The following GMPS variants were observed in gnomAD, a reference collection of about 807,000 sequenced individuals.
GMPS encodes the protein guanosine monophosphate synthase.
A neutral mutation model predicts 77.9 loss-of-function variants in GMPS; 15 were observed. That is an observed-to-expected ratio of 0.19 (90% CI 0.13 to 0.30). The LOEUF is 0.30. GMPS is among the 10% of genes least tolerant of loss of function. GMPS has a pLI of 1.00. For synonymous variants in GMPS, 224 were observed against 275.9 expected (o/e 0.81, Z 1.86); for missense variants, 590 against 838.8 (o/e 0.70, Z 3.66).
At position 155,919,289 on chromosome 3, in the gene GMPS, C is replaced by G; in HGVS notation, c.1269C>G (p.Gly423=). 6.3e-7 allele frequency: 1 copy of G among 1,597,902 alleles called. No individual in the cohort carries two copies. The highest frequency in any genetic ancestry group is 8.5e-7 in the Non-Finnish European group (1 of 1,170,286). ...DFHKDEVRIL[G]RELGLPEELV... ...ATAAAGATGAAGTGAGAATTTTGGGCAGAGAACTTGGACTTCCAGAAGAGT... is the reference window on the plus strand; with the variant it reads ...ATAAAGATGAAGTGAGAATTTTGGGGAGAGAACTTGGACTTCCAGAAGAGT... The change falls in exon 10 of 16, where the codon GGC becomes GGG. Residue 423 remains glycine (G), a synonymous_variant. Transcript: ENST00000496455.
In GMPS at chr3:155,916,876, T is replaced by C. The variant is rs143751648; in HGVS notation, c.1212+684T>C. Reference sequence around the variant, plus strand: ...TACAATTTTACATTCGCACTAGCAATCTATGAGATTCAAATTTTTCCACAT... The same window carrying C: ...TACAATTTTACATTCGCACTAGCAACCTATGAGATTCAAATTTTTCCACAT... On this transcript the variant is annotated intron_variant, in intron 9 of 15. Transcript: ENST00000496455. Among the ~76,000 whole-genome samples the C allele has an allele frequency of 2.4e-3, 362 of 152,322 alleles. 3 individuals are homozygous for C. The highest frequency in any genetic ancestry group is 8.5e-3 in the African/African-American group (353 of 41,570).
intron 1 of GMPS, among the ~76,000 whole-genome samples, chr3:155,880,744 A>G (rs1754190382): frequency 6.6e-6 from 1 of 152,150 alleles, no homozygotes; most frequent in Non-Finnish European, 1.5e-5. Flanking sequence ...TTCAGTTATT[A>G]AGAAAATCTC....
intron 1 of GMPS, among the ~76,000 whole-genome samples, chr3:155,878,297 T>A (rs1472021908): frequency 6.6e-6 from 1 of 152,248 alleles, no homozygotes; most frequent in Admixed American, 6.5e-5. Flanking sequence ...TCACTTAGCA[T>A]AATGCTTTCA....
chr3:155,893,605 A>C lies in GMPS; in HGVS notation c.115A>C (p.Lys39Gln). 1 of 1,612,562 alleles carries C rather than the reference A, an allele frequency of 6.2e-7. No individual in the cohort carries two copies. The highest frequency in any genetic ancestry group is 2.2e-5 in the East Asian group (1 of 44,872). Residue 39 changes from lysine (K) to glutamine (Q), a missense_variant, in exon 2 of 16, where the codon AAA becomes CAA. By Grantham distance (53) the Lys-to-Gln change is moderately conservative. This residue lies in a region of GMPS where 47 missense variants were observed against 45.5 expected (regional missense o/e 1.03). Transcript: ENST00000496455. ...VILDAGAQYGKVIDRRVRELF... is the reference protein window; with the variant it reads ...VILDAGAQYGQVIDRRVRELF... ...TCTGGATGCTGGTGCTCAGTACGGG[A>C]AAGTCATAGACCGAAGAGTGAGGGA...
rs1346335607 is a variant in GMPS, at chr3:155,939,740, T to TA, written c.*2053dup. 1 of 194,770 alleles carries TA rather than the reference T, an allele frequency of 5.1e-6. No homozygotes were observed. Among genetic ancestry groups the TA allele is most frequent in the Non-Finnish European group, 1.1e-5 (1 of 93,494 alleles). 12.1% of individuals were successfully genotyped at this position (194,770 alleles called of 1,614,324 possible). A position where few individuals can be genotyped will look rare whatever the true frequency, so the allele number is the denominator to read the frequency against. ...CACATCTTGACATGACATAGTTTCTTAAAAATCCAAATTTTCTGGAACTCA... is the reference window on the plus strand; with the variant it reads ...CACATCTTGACATGACATAGTTTCTTAAAAAATCCAAATTTTCTGGAACTCA... On this transcript the variant is annotated 3_prime_UTR_variant, in exon 16 of 16. Coordinates refer to ENST00000496455, the MANE Select transcript of GMPS (RefSeq NM_003875.3).
intron 5 of GMPS, among the ~76,000 whole-genome samples, chr3:155,908,868 T>G (rs1199488074): frequency 6.6e-6 from 1 of 152,138 alleles, no homozygotes; most frequent in Non-Finnish European, 1.5e-5. Flanking sequence ...GGTATAAATT[T>G]GGGGGTTTAC....
At chr3:155,879,023 C>T (rs1472230714) in intron 1 of GMPS, among the ~76,000 whole-genome samples, 1 of 152,116 alleles carries the variant, frequency 6.6e-6, no homozygotes, top group East Asian at 1.9e-4. Context: ...GATAATTTGA[C>T]TTTCCCCTGC....
chr3:155,908,055 G>T (rs140383130), intron 5 of GMPS, among the ~76,000 whole-genome samples: 166 of 152,316 alleles, frequency 1.1e-3, no homozygotes, highest in African/African-American at 3.9e-3. Context: ...GTGAAGGAGA[G>T]ATGTGATCTA....
chr3:155,933,778 C>G (rs1353545467), intron 13 of GMPS, among the ~76,000 whole-genome samples: 1 of 152,316 alleles, frequency 6.6e-6, no homozygotes, highest in East Asian at 1.9e-4. Flanking sequence ...GCACTCATAT[C>G]TCTACCCTGA....
At chr3:155,928,266 A>T (rs537779529) in intron 12 of GMPS, among the ~76,000 whole-genome samples, 2 of 150,902 alleles carry the variant, frequency 1.3e-5, no homozygotes, top group East Asian at 4.0e-4. Context: ...AGCTCAGGCA[A>T]TCCACCCGCC....
chr3:155,927,850 A>G (rs1260633428), intron 12 of GMPS, among the ~76,000 whole-genome samples: 3 of 152,052 alleles, frequency 2.0e-5, no homozygotes, highest in African/African-American at 7.2e-5. Context: ...GTGCCTTTCC[A>G]AGTAGATGGT....
chr3:155,871,632 C>A (rs410042), intron 1 of GMPS, among the ~76,000 whole-genome samples: 1 of 152,320 alleles, frequency 6.6e-6, no homozygotes, highest in African/African-American at 2.4e-5. Context: ...AGGTCCCGCC[C>A]CCGTCCAGCT....
intron 1 of GMPS, among the ~76,000 whole-genome samples, chr3:155,871,418 G>A (rs1239674888): frequency 1.3e-5 from 2 of 152,136 alleles, no homozygotes; most frequent in African/African-American, 4.8e-5. Context: ...TTTCCCGCCT[G>A]CCCTCGGCGA....
chr3:155,877,425 GTTC>G (rs1754077591), intron 1 of GMPS, among the ~76,000 whole-genome samples: 1 of 151,874 alleles, frequency 6.6e-6, no homozygotes, highest in Non-Finnish European at 1.5e-5. Context: ...CAACCCCATA[GTTC>G]TTAGTGTATT....
At chr3:155,933,879 T>C (rs955995392) in intron 13 of GMPS, among the ~76,000 whole-genome samples, 2 of 152,232 alleles carry the variant, frequency 1.3e-5, no homozygotes, top group African/African-American at 4.8e-5. Flanking sequence ...TGTCTGATTC[T>C]AATTTCCTCA....
intron 12 of GMPS, among the ~76,000 whole-genome samples, chr3:155,928,669 A>G (rs979128519): frequency 2.1e-5 from 3 of 139,554 alleles, no homozygotes; most frequent in Admixed American, 7.1e-5. Context: ...TATATCTCCC[A>G]ATGCTATCCC....
intron 10 of GMPS, among the ~76,000 whole-genome samples, chr3:155,920,544 C>T (rs1230148292): frequency 7.1e-6 from 1 of 140,490 alleles, no homozygotes; most frequent in African/African-American, 2.7e-5. Flanking sequence ...CACAGCACTC[C>T]AACCTGGGCA....
chr3:155,929,005 A>C (rs1484226989), intron 12 of GMPS, among the ~76,000 whole-genome samples: 3 of 151,252 alleles, frequency 2.0e-5, no homozygotes, highest in Non-Finnish European at 4.4e-5. Flanking sequence ...ATATGTGTGC[A>C]TGTGTCTTTA....
rs370614063 is a variant in GMPS, at chr3:155,906,201, A to T, written c.464A>T (p.Asp155Val). 2 of 1,611,340 alleles carry T rather than the reference A, an allele frequency of 1.2e-6. No homozygotes were observed. Among genetic ancestry groups the T allele is most frequent in the Non-Finnish European group, 1.7e-6 (2 of 1,178,214 alleles). ...GAAGTTGTTTTGCTTACACATGGAG[A>T]TAGTGTAGACAAAGTAGCTGATGGA... ...KEEVVLLTHGDSVDKVADGFK... is the reference protein window; with the variant it reads ...KEEVVLLTHGVSVDKVADGFK... Residue 155 changes from aspartate (D) to valine (V), a missense_variant, in exon 5 of 16, where the codon GAT (aspartate) becomes GTT (valine). Asp to Val is a radical substitution (Grantham distance 152). Around this residue, in one of 6 missense-constraint regions of GMPS, gnomAD observed 136 missense variants for 225.6 expected, o/e 0.60. Transcript: ENST00000496455.
Sources: gnomAD v4.1 joint callset for allele counts (sites outside exome capture counted in the v4.1 genomes callset) on GRCh38, gnomAD v4.1.1 for gene constraint, gnomAD v4.1.1 regional missense constraint, MANE v1.5 for transcripts, NCBI Gene and HGNC (gene_info 2026-07-23, HGNC 2026-07-21) for gene names.